The following LRBA variants were observed in gnomAD, a reference collection of about 807,000 sequenced individuals.
LRBA encodes lipopolysaccharide-responsive and beige-like anchor protein.
LRBA carries 176 observed loss-of-function variants against 330.0 expected under a neutral mutation model. The ratio of observed to expected loss-of-function variants is 0.53; its 90% CI spans 0.47 to 0.60. The LOEUF is 0.60. Among genes scored for constraint, LRBA ranks in the 20% least tolerant of loss-of-function variants. The pLI is 0.00. For missense variants in LRBA, 3,259 were observed against 3,444.8 expected (o/e 0.95, Z 1.35); for synonymous variants, 1,230 against 1,193.0 (o/e 1.03, Z -0.64).
intron 36 of LRBA, among the ~76,000 whole-genome samples, chr4:150,717,728 A>AT (rs1349015330): frequency 8.8e-6 from 1 of 113,758 alleles, no homozygotes; most frequent in East Asian, 2.3e-4. Flanking sequence ...TCTTTATTTA[A>AT]TAAAAAAAAA....
At chr4:150,928,182 C>T (rs1734084918) in intron 4 of LRBA, among the ~76,000 whole-genome samples, 1 of 152,182 alleles carries the variant, frequency 6.6e-6, no homozygotes, top group Non-Finnish European at 1.5e-5. Context: ...TCAGATAAAA[C>T]TAGATCAAAA....
chr4:150,626,658 A>G (rs1776890948), intron 37 of LRBA, among the ~76,000 whole-genome samples: 1 of 152,166 alleles, frequency 6.6e-6, no homozygotes, highest in Non-Finnish European at 1.5e-5. Context: ...ACTAGACTTT[A>G]GAAATTAAAT....
intron 40 of LRBA, among the ~76,000 whole-genome samples, chr4:150,572,203 T>C (rs895515761): frequency 3.3e-5 from 5 of 152,128 alleles, no homozygotes; most frequent in African/African-American, 1.2e-4. Context: ...ACTTTAGTCA[T>C]TAAACGATCC....
intron 2 of LRBA, among the ~76,000 whole-genome samples, chr4:151,001,996 T>C (rs978914049): frequency 6.6e-5 from 10 of 151,560 alleles, no homozygotes; most frequent in African/African-American, 2.4e-4. Context: ...TGACACTGTT[T>C]ATACCTGAAA....
At chr4:150,610,789 T>C (rs1167285675) in intron 37 of LRBA, among the ~76,000 whole-genome samples, 1 of 152,130 alleles carries the variant, frequency 6.6e-6, no homozygotes, top group Non-Finnish European at 1.5e-5. Context: ...ACATAGGCTT[T>C]ATAGACATTG....
chr4:150,781,035 A>C (rs1163872729), intron 34 of LRBA, among the ~76,000 whole-genome samples: 1 of 151,640 alleles, frequency 6.6e-6, no homozygotes, highest in East Asian at 1.9e-4. Context: ...GCCCACCACC[A>C]CGCCTGGCTA....
At position 150,350,141 on chromosome 4, in the gene LRBA, C is replaced by T. The variant is rs767403201; in HGVS notation, c.7213G>A (p.Val2405Ile). 6.9e-6 allele frequency: 11 copies of T among 1,586,424 alleles called. No homozygotes were observed. The South Asian group carries it at 1.2e-4, about 17-fold the overall frequency. ...INRLALESEF[V>I]SCQLHQWIDL... ...ATCCATTGGTGAAGCTGGCAGGAAA[C>T]AAATTCACTCTCCAGGGCCTGAAAA... The change falls in exon 48 of 57, where the codon GTT (valine) becomes ATT (isoleucine). Residue 2405 changes from valine to isoleucine, a missense_variant. Transcript: ENST00000651943.
intron 40 of LRBA, among the ~76,000 whole-genome samples, chr4:150,505,889 G>A (rs1439754933): frequency 1.3e-5 from 2 of 152,090 alleles, no homozygotes; most frequent in African/African-American, 4.8e-5. Flanking sequence ...AAATGAGAAA[G>A]GGGATATCAC....
intron 47 of LRBA, among the ~76,000 whole-genome samples, chr4:150,408,686 T>C (rs1746531099): frequency 6.6e-6 from 1 of 152,090 alleles, no homozygotes; most frequent in Non-Finnish European, 1.5e-5. Context: ...ATCCAGGACA[T>C]ATCAAAAGAA....
chr4:150,817,065 A>C lies in LRBA; in HGVS notation c.5305+59T>G, dbSNP rs375359700. The C allele has an allele frequency of 4.6e-6, 7 of 1,518,546 alleles. No individual in the cohort carries two copies. In the African/African-American group the frequency reaches 6.9e-5, roughly 15 times the overall value. 94.1% of individuals were successfully genotyped at this position (1,518,546 alleles called of 1,614,324 possible). A position where few individuals can be genotyped will look rare whatever the true frequency, so the allele number is the denominator to read the frequency against. On this transcript the variant is annotated intron_variant, in intron 31 of 56. Coordinates refer to ENST00000651943, the MANE Select transcript of LRBA (RefSeq NM_001364905.1). ...AATTTTAAGTTAATCAAAAATCTTA[A>C]GCGTTGCTAAAATGAGATCTAAAAA...
intron 40 of LRBA, 52 bp downstream of exon 40, chr4:150,587,996 C>A: frequency 6.3e-7 from 1 of 1,580,570 alleles, no homozygotes; most frequent in Non-Finnish European, 8.6e-7. Context: ...TCCTATCCAA[C>A]AGCACCCACC....
At chr4:150,380,022 A>T (rs1741963640) in intron 47 of LRBA, among the ~76,000 whole-genome samples, 1 of 100,800 alleles carries the variant, frequency 9.9e-6, no homozygotes, top group African/African-American at 3.4e-5. Flanking sequence ...AAAAAAAAAA[A>T]AAAAAAATTA....
intron 37 of LRBA, among the ~76,000 whole-genome samples, chr4:150,623,982 A>C (rs1776575041): frequency 6.6e-6 from 1 of 152,214 alleles, no homozygotes; most frequent in Non-Finnish European, 1.5e-5. Flanking sequence ...TGTTATAGAT[A>C]ACTGAACTAC....
intron 40 of LRBA, among the ~76,000 whole-genome samples, chr4:150,520,484 T>C (rs959107295): frequency 5.3e-5 from 8 of 152,214 alleles, no homozygotes; most frequent in South Asian, 2.1e-4. Context: ...TTGAATATTA[T>C]TGTAAATGAT....
At chr4:151,012,808 C>CCTTTTTTTTTTTTTTTTTTTTT (rs1745003916) in intron 2 of LRBA, 1 of 124,576 alleles carries the variant, frequency 8.0e-6, no homozygotes, top group African/African-American at 3.1e-5. Flanking sequence ...AAGTGAATTT[C>CCTTTTTTTTTTTTTTTTTTTTT]TTTTTTTTTT....
At chr4:150,476,753 T>C (rs527645902) in intron 42 of LRBA, among the ~76,000 whole-genome samples, 118 of 152,246 alleles carry the variant, frequency 7.8e-4, no homozygotes, top group Admixed American at 1.4e-3. Flanking sequence ...ATGAAAACTA[T>C]TGTTGGTGGC....
chr4:150,455,332 C>A (rs1027481211), intron 44 of LRBA, among the ~76,000 whole-genome samples: 1 of 151,738 alleles, frequency 6.6e-6, no homozygotes, highest in Non-Finnish European at 1.5e-5. Context: ...CACATGCACA[C>A]ATATGTTTAT....
intron 46 of LRBA, among the ~76,000 whole-genome samples, chr4:150,420,576 A>G (rs1356172204): frequency 0.96 from 343 of 358 alleles, 164 homozygotes; most frequent in Non-Finnish European, 0.97. Flanking sequence ...ACACATTATA[A>G]TATATATAAA....
In LRBA at chr4:150,646,749, A is replaced by G. The variant is rs181148882; in HGVS notation, c.5921+36802T>C. 2.4e-3 allele frequency among the ~76,000 whole-genome samples: 368 copies of G among 152,270 alleles called. 1 individual carries two copies. The highest frequency in any genetic ancestry group is 8.4e-3 in the African/African-American group (348 of 41,578). On this transcript the variant is annotated intron_variant, in intron 37 of 56. Transcript: ENST00000651943. ...GATAAGCATACTCACTATAGGTTGC[A>G]CATACCAAATTCAAAAATCTGGAAT...
Sources: allele counts gnomAD v4.1 joint callset (sites outside exome capture counted in the v4.1 genomes callset), GRCh38; gene constraint gnomAD v4.1.1; transcripts MANE v1.5; gene names NCBI Gene and HGNC (gene_info 2026-07-23, HGNC 2026-07-21).